The following TBX1 variants were observed in gnomAD, a reference collection of about 807,000 sequenced individuals.
TBX1 encodes T-box transcription factor 1, also known as T-box transcription factor TBX1.
In TBX1, 16 loss-of-function variants were observed where a neutral mutation model predicts 40.8. The ratio of observed to expected loss-of-function variants is 0.39; its 90% confidence interval spans 0.27 to 0.60. TBX1 has a LOEUF of 0.60. Among genes scored for constraint, TBX1 ranks in the 20% least tolerant of loss-of-function variants. The pLI is 0.51. For synonymous variants in TBX1, 403 were observed against 336.8 expected (o/e 1.20, Z -2.15); for missense variants, 755 against 728.5 (o/e 1.04, Z -0.42).
chr22:19,763,524 C>A lies in TBX1; in HGVS notation c.539+182C>A, dbSNP rs1357060053. On this transcript the variant is annotated intron_variant, in intron 2 of 6. Transcript: ENST00000649276. The stretch of plus-strand genomic sequence containing the variant: ...CTGACCCCAGACCCACAACCCTACT[C>A]CATGCCCTCTCAGAACCCGCCTCTG... The A allele has an allele frequency of 4.8e-6, 3 of 627,298 alleles. No homozygotes were observed. In the African/African-American group the frequency reaches 5.5e-5, roughly 11 times the overall value. The allele number at this position is 627,298 out of a possible 1,614,324, so 38.9% of individuals were successfully genotyped here. A position where few individuals can be genotyped will look rare whatever the true frequency, so the allele number is the denominator to read the frequency against.
intron 2 of TBX1, 149 bp downstream of exon 2, chr22:19,763,491 A>T: frequency 1.4e-6 from 1 of 691,834 alleles, no homozygotes; most frequent in East Asian, 2.7e-5. Context: ...TCCCTCCTCC[A>T]CTCCCATCTG....
intron 1 of TBX1, among the ~76,000 whole-genome samples, chr22:19,761,536 G>C (rs1015302642): frequency 6.6e-5 from 10 of 151,676 alleles, no homozygotes; most frequent in Admixed American, 5.9e-4. Flanking sequence ...CGGGAACGGC[G>C]AGGAGCCCCG....
Position 19,767,023 on chromosome 22 carries a change from C to G in TBX1, c.*156C>G. The G allele has an allele frequency of 7.4e-7, 1 of 1,354,524 alleles. No individual in the cohort carries two copies. The allele number at this position is 1,354,524 out of a possible 1,614,324, so 83.9% of individuals were successfully genotyped here. On this transcript the variant is annotated 3_prime_UTR_variant, in exon 7 of 7. Coordinates refer to ENST00000649276, the MANE Select transcript of TBX1 (RefSeq NM_001379200.1). The stretch of plus-strand genomic sequence containing the variant: ...CCCAGCCTCGAAGCCATGGGGGCCC[C>G]CTCGCCACCCCCAGCCCCTTGGGCT...
At chr22:19,773,481 GT>G (rs1321182525) in intron 8 of TBX1, among the ~76,000 whole-genome samples, 9 of 152,192 alleles carry the variant, frequency 5.9e-5, no homozygotes, top group African/African-American at 2.2e-4. Flanking sequence ...GCATTTCCAG[GT>G]GGCCCCTCCA....
At chr22:19,773,365 G>A (rs1371909866) in intron 8 of TBX1, among the ~76,000 whole-genome samples, 3 of 152,128 alleles carry the variant, frequency 2.0e-5, no homozygotes, top group East Asian at 3.9e-4. Context: ...CCAACACATA[G>A]GAGCACATCC....
chr22:19,767,627 G>C (rs1273023677), downstream of TBX1, among the ~76,000 whole-genome samples: 1 of 152,154 alleles, frequency 6.6e-6, no homozygotes, highest in Non-Finnish European at 1.5e-5. Flanking sequence ...TGGTGGTACC[G>C]CCCAGGTGTG....
At position 19,763,459 on chromosome 22, in the gene TBX1, C is replaced by T. The variant is rs1260384380; in HGVS notation, c.539+117C>T. 1.9e-5 allele frequency: 16 copies of T among 842,612 alleles called. No homozygotes were observed. The Admixed American group carries it at 2.0e-4, about 11-fold the overall frequency. The allele number at this position is 842,612 out of a possible 1,614,324, so 52.2% of individuals were successfully genotyped here. A position where few individuals can be genotyped will look rare whatever the true frequency, so the allele number is the denominator to read the frequency against. ...CACCATGAAACTCTTTAGGCACCTG[C>T]GATGCTGCCCGATCAACCCGCTCCC... is the stretch of plus-strand genomic sequence containing the variant. On this transcript the variant is annotated intron_variant, in intron 2 of 6. Transcript: ENST00000649276.
intron 8 of TBX1, among the ~76,000 whole-genome samples, chr22:19,774,891 G>C (rs961996576): frequency 9.0e-5 from 10 of 110,646 alleles, no homozygotes; most frequent in South Asian, 3.4e-4. Context: ...TGGACGCACA[G>C]CATCGGGAAT....
Position 19,761,086 on chromosome 22 carries a change from T to TGCGCCGGCCGCCGGGGCCGCCACCA in TBX1, c.250_274dup (p.Ala92GlyfsTer94). On this transcript the variant is annotated frameshift_variant, in exon 1 of 7. Transcript: ENST00000649276. LOFTEE classifies it high-confidence loss of function. ...CGCCGCCGCCGCACGCCTACCCGTT[T>TGCGCCGGCCGCCGGGGCCGCCACCA]GCGCCGGCCGCCGGGGCCGCCACCA... The TGCGCCGGCCGCCGGGGCCGCCACCA allele has an allele frequency of 1.9e-6, 2 of 1,057,726 alleles. No individual in the cohort carries two copies. The highest frequency in any genetic ancestry group is 2.3e-6 in the Non-Finnish European group (2 of 867,962). The allele number at this position is 1,057,726 out of a possible 1,614,324, so 65.5% of individuals were successfully genotyped here.
At position 19,765,949 on chromosome 22, in the gene TBX1, C is replaced by G. The variant is rs1307756989; in HGVS notation, c.983C>G (p.Ala328Gly). Reference sequence around the variant, plus strand: ...GCACTGCCGCTCATGAGCGCCTTCGCGCGCTCGCGGAACCCCGTGGCTTCC... The same window carrying G: ...GCACTGCCGCTCATGAGCGCCTTCGGGCGCTCGCGGAACCCCGTGGCTTCC... ...PGALPLMSAF[A>G]RSRNPVASPT... Residue 328 changes from alanine (A) to glycine (G), a missense_variant, in exon 6 of 7, where the codon GCG becomes GGG. By Grantham distance (60) the Ala-to-Gly change is moderately conservative. Coordinates refer to ENST00000649276, the MANE Select transcript of TBX1 (RefSeq NM_001379200.1). 6.6e-7 allele frequency: 1 copy of G among 1,522,772 alleles called. No homozygotes were observed. Among genetic ancestry groups the G allele is most frequent in the South Asian group, 1.2e-5 (1 of 81,954 alleles). The allele number at this position is 1,522,772 out of a possible 1,614,324, so 94.3% of individuals were successfully genotyped here.
chr22:19,781,969 A>G (rs1601310944), downstream of TBX1, among the ~76,000 whole-genome samples: 1 of 71,906 alleles, frequency 1.4e-5, no homozygotes. Context: ...ATTGAGAAAA[A>G]TATCACTGGT....
At chr22:19,772,705 C>A (rs1012825551) in intron 8 of TBX1, among the ~76,000 whole-genome samples, 3 of 152,188 alleles carry the variant, frequency 2.0e-5, no homozygotes, top group African/African-American at 7.2e-5. Flanking sequence ...CCAAGACAAG[C>A]TTTTTTTCTT....
At chr22:19,771,639 G>A (rs140388469), downstream of TBX1, among the ~76,000 whole-genome samples, 24 of 152,260 alleles carry the variant, frequency 1.6e-4, no homozygotes, top group African/African-American at 5.8e-4. Context: ...CCTCTGCTCT[G>A]TGGCCAGCCC....
chr22:19,760,997 C>T lies in TBX1; in HGVS notation c.154C>T (p.Pro52Ser), dbSNP rs1044423719. The stretch of plus-strand genomic sequence containing the variant: ...CGCCGACCCGTACGGCCCGCGCGAG[C>T]CCCCGCCGCCGCCGCCGCGCTACGA... ...PGADPYGPRE[P>S]PPPPPRYDPC... is the part of the protein sequence containing the mutation. Residue 52 changes from proline to serine, a missense_variant, in exon 1 of 7, where the codon CCC becomes TCC. Pro to Ser is a moderately conservative substitution (Grantham distance 74). Coordinates refer to ENST00000649276, the MANE Select transcript of TBX1 (RefSeq NM_001379200.1). 8.5e-6 allele frequency: 8 copies of T among 940,334 alleles called. No individual in the cohort carries two copies. Among genetic ancestry groups the T allele is most frequent in the Non-Finnish European group, 1.0e-5 (8 of 791,756 alleles). The allele number at this position is 940,334 out of a possible 1,614,324, so 58.2% of individuals were successfully genotyped here. A position where few individuals can be genotyped will look rare whatever the true frequency, so the allele number is the denominator to read the frequency against.
At chr22:19,756,969 G>A (rs1936500907), upstream of TBX1, among the ~76,000 whole-genome samples, 1 of 152,132 alleles carries the variant, frequency 6.6e-6, no homozygotes, top group Admixed American at 6.5e-5. Context: ...AGGGAGGGTC[G>A]GAGGAGCCCT....
At chr22:19,772,101 A>G (rs1456070065), downstream of TBX1, among the ~76,000 whole-genome samples, 1 of 152,024 alleles carries the variant, frequency 6.6e-6, no homozygotes, top group Non-Finnish European at 1.5e-5. Context: ...TCCTCTCAAC[A>G]GTTTTTTTGT....
upstream of TBX1, among the ~76,000 whole-genome samples, chr22:19,757,181 G>T (rs1370354696): frequency 6.6e-6 from 1 of 152,194 alleles, no homozygotes; most frequent in East Asian, 1.9e-4. Flanking sequence ...AGCCGGCTGG[G>T]TGGGGCCCCT....
upstream of TBX1, chr22:19,759,411 A>C: frequency 8.0e-7 from 1 of 1,247,030 alleles, no homozygotes; most frequent in Non-Finnish European, 1.0e-6. Context: ...CCGCCCCCGG[A>C]CTCCGTGGGC....
upstream of TBX1, among the ~76,000 whole-genome samples, chr22:19,760,601 T>TGGGGGCC (rs1936615681): frequency 8.7e-6 from 1 of 114,952 alleles, no homozygotes; most frequent in Non-Finnish European, 1.8e-5. Flanking sequence ...GCGGGCGGGC[T>TGGGGGCC]GGGGGCCGGG....
Sources: allele counts gnomAD v4.1 joint callset (sites outside exome capture counted in the v4.1 genomes callset), GRCh38; gene constraint gnomAD v4.1.1; transcripts MANE v1.5; gene names NCBI Gene and HGNC (gene_info 2026-07-23, HGNC 2026-07-21).